ZSCAN25: variants seen among roughly 807,000 people sequenced by gnomAD.
ZSCAN25 encodes the protein zinc finger and SCAN domain-containing protein 25.
A neutral mutation model predicts 38.7 loss-of-function variants in ZSCAN25; 27 were observed. The observed-to-expected ratio is 0.70, with a 90% confidence interval of 0.51 to 0.96. The LOEUF is 0.96. Ranked by LOEUF, ZSCAN25 falls within the 40% of genes least tolerant of loss-of-function variation. The pLI, the probability that ZSCAN25 is intolerant of heterozygous loss-of-function variation, is 0.00. For synonymous variants in ZSCAN25, 273 were observed against 277.7 expected, an observed-to-expected ratio of 0.98 and a Z score of 0.17; for missense variants, 637 against 705.9, an observed-to-expected ratio of 0.90 and a Z score of 1.11.
the ZSCAN25 span, among the ~76,000 whole-genome samples, chr7:99,702,235 A>G: frequency 6.6e-6 from 1 of 151,960 alleles, no homozygotes; most frequent in Non-Finnish European, 1.5e-5. Flanking sequence ...GACTACAGGC[A>G]TGCACCACCA....
At chr7:99,736,401 T>A in the ZSCAN25 span, among the ~76,000 whole-genome samples, 1 of 152,060 alleles carries the variant, frequency 6.6e-6, no homozygotes, top group Non-Finnish European at 1.5e-5. Flanking sequence ...AAGTGGAGGA[T>A]TTTCTAATGG....
the ZSCAN25 span, among the ~76,000 whole-genome samples, chr7:99,703,585 C>T: frequency 1.3e-5 from 2 of 152,152 alleles, no homozygotes; most frequent in African/African-American, 2.4e-5. Flanking sequence ...TATGAATATA[C>T]ACGAATACAT....
the ZSCAN25 span, chr7:99,720,166 G>A: frequency 1.1e-6 from 1 of 942,494 alleles, no homozygotes; most frequent in Non-Finnish European, 1.6e-6. Context: ...AAGATTGCAA[G>A]ATGTTACCAT....
At chr7:99,634,797 A>AC (rs1250807293), downstream of ZSCAN25, among the ~76,000 whole-genome samples, 13 of 152,138 alleles carry the variant, frequency 8.5e-5, no homozygotes, top group Admixed American at 2.6e-4. Flanking sequence ...ACTCCGTCTC[A>AC]AAAACAAAAC....
chr7:99,676,255 G>T, the ZSCAN25 span: 1 of 1,610,834 alleles, frequency 6.2e-7, no homozygotes, highest in Non-Finnish European at 8.5e-7. Flanking sequence ...TGACTTTATA[G>T]ATCAGAGGGC....
the ZSCAN25 span, among the ~76,000 whole-genome samples, chr7:99,716,219 A>G: frequency 1.3e-5 from 2 of 152,184 alleles, no homozygotes; most frequent in Non-Finnish European, 2.9e-5. Flanking sequence ...TTAATTGTGG[A>G]TGATACAAGA....
the ZSCAN25 span, among the ~76,000 whole-genome samples, chr7:99,733,737 G>T: frequency 6.6e-6 from 1 of 152,156 alleles, no homozygotes; most frequent in African/African-American, 2.4e-5. Context: ...ACCCTGAGGG[G>T]TAAGGAATAT....
At chr7:99,700,164 T>G in the ZSCAN25 span, 2 of 655,344 alleles carry the variant, frequency 3.1e-6, no homozygotes, top group Non-Finnish European at 5.5e-6. Context: ...GAAATGTTTA[T>G]GTGCTGGAGA....
At chr7:99,719,919 C>A in the ZSCAN25 span, among the ~76,000 whole-genome samples, 9 of 152,136 alleles carry the variant, frequency 5.9e-5, no homozygotes, top group Non-Finnish European at 1.3e-4. Flanking sequence ...ATCACTTGAA[C>A]CCTGGAGGTG....
chr7:99,626,902 C>A (rs534973432), intron 7 of ZSCAN25, among the ~76,000 whole-genome samples: 1 of 152,230 alleles, frequency 6.6e-6, no homozygotes, highest in Non-Finnish European at 1.5e-5. Flanking sequence ...GCACTCAAAA[C>A]GGGTTTCTCA....
At chr7:99,714,572 G>A in the ZSCAN25 span, 4 of 1,612,766 alleles carry the variant, frequency 2.5e-6, no homozygotes, top group Non-Finnish European at 2.5e-6. Flanking sequence ...GTCTCTTTGA[G>A]GCGACCTTCT....
At chr7:99,618,383 T>G (rs190771512) in intron 1 of ZSCAN25, 142 bp from the exon 2 acceptor site, 1 of 151,954 alleles carries the variant, frequency 6.6e-6, no homozygotes, top group South Asian at 2.1e-4. Context: ...GTAGGAGGAG[T>G]AGCACTCATC....
the ZSCAN25 span, chr7:99,671,876 A>G: frequency 2.1e-5 from 15 of 702,536 alleles, no homozygotes; most frequent in Admixed American, 2.0e-4. Context: ...TCGTTGCACA[A>G]ATCTACGAAT....
chr7:99,649,714 T>C, the ZSCAN25 span, among the ~76,000 whole-genome samples: 3 of 152,210 alleles, frequency 2.0e-5, no homozygotes, highest in Non-Finnish European at 4.4e-5. Flanking sequence ...ATGAGAGAGC[T>C]TCTGCAGGTT....
At position 99,631,774 on chromosome 7, in the gene ZSCAN25, T is replaced by A; in HGVS notation, c.*1754T>A. The A allele has an allele frequency of 1.0e-6, 1 of 985,512 alleles. No homozygotes were observed. Among genetic ancestry groups the A allele is most frequent in the Non-Finnish European group, 1.2e-6 (1 of 829,964 alleles). The allele number at this position is 985,512 out of a possible 1,614,324, so 61.0% of individuals were successfully genotyped here. On this transcript the variant is annotated 3_prime_UTR_variant, in exon 8 of 8. Coordinates refer to ENST00000394152, the MANE Select transcript of ZSCAN25 (RefSeq NM_145115.3). ...CTTAGCAAATGACGCTCCTTGGTCT[T>A]CCTGGCTCATTAGCTGTGCCCACGA...
the ZSCAN25 span, among the ~76,000 whole-genome samples, chr7:99,654,784 G>A: frequency 8.5e-5 from 13 of 152,160 alleles, no homozygotes; most frequent in South Asian, 2.1e-4. Context: ...TCTAACTGGC[G>A]TGAGATGGTA....
chr7:99,621,175 C>G (rs1407490887), intron 4 of ZSCAN25, 198 bp from the exon 5 acceptor site: 1 of 412,204 alleles, frequency 2.4e-6, no homozygotes, highest in East Asian at 3.7e-5. Flanking sequence ...AAAAGTTGCT[C>G]AGGGCCTGAT....
rs1343593243 is a variant in ZSCAN25, at chr7:99,629,426, T to C, written c.1041T>C (p.Pro347=). Residue 347 remains proline, a synonymous_variant, in exon 8 of 8, where the codon CCT becomes CCC. Transcript: ENST00000394152. The surrounding 1 kb of genome is among the most constrained non-coding windows in gnomAD (Gnocchi z 5.6). ...AAACCCACAGCTCCTTCTGGAAGCC[T>C]TTCCAGTGCCCTGAGTGTGGGAAAG... The part of the protein sequence containing the change: ...EVKTHSSFWK[P]FQCPECGKGF... The C allele has an allele frequency of 6.2e-7, 1 of 1,614,158 alleles. No individual in the cohort carries two copies.
chr7:99,660,091 A>G, the ZSCAN25 span: 9 of 532,014 alleles, frequency 1.7e-5, no homozygotes, highest in Admixed American at 6.2e-5. Context: ...CTCTCCAACA[A>G]TCCCCATTGA....
Sources: gnomAD v4.1 joint callset for allele counts (sites outside exome capture counted in the v4.1 genomes callset) on GRCh38, gnomAD v4.1.1 for gene constraint, Gnocchi (gnomAD v3.1) non-coding constraint, MANE v1.5 for transcripts, NCBI Gene and HGNC (gene_info 2026-07-23, HGNC 2026-07-21) for gene names.